The following SEL1L2 variants were observed in gnomAD, a reference collection of about 807,000 sequenced individuals.
The protein encoded by SEL1L2 is protein sel-1 homolog 2.
In SEL1L2, 89 loss-of-function variants were observed where a neutral mutation model predicts 98.8. That is an observed-to-expected ratio of 0.90 (90% CI 0.76 to 1.07). SEL1L2 has a LOEUF of 1.07. SEL1L2 is among the 50% of genes least tolerant of loss of function. SEL1L2 has a pLI of 0.00. For synonymous variants in SEL1L2, 262 were observed against 278.5 expected (o/e 0.94, Z 0.59); for missense variants, 788 against 812.0 (o/e 0.97, Z 0.36).
chr20:13,853,352 T>C (rs1449034395), intron 18 of SEL1L2, among the ~76,000 whole-genome samples: 1 of 151,856 alleles, frequency 6.6e-6, no homozygotes, highest in Non-Finnish European at 1.5e-5. Context: ...GGACTACAAA[T>C]GTGTGCCACC....
chr20:13,974,642 C>T lies in SEL1L2; in HGVS notation c.58+15835G>A, dbSNP rs184491741. On this transcript the variant is annotated intron_variant, in intron 1 of 19. Transcript: ENST00000284951. The stretch of plus-strand genomic sequence containing the variant: ...TACAGGTACCCACCACCATGCCTGA[C>T]TAATTTTTGTATTTTTAGTAGAGAC... 2.2e-4 allele frequency among the ~76,000 whole-genome samples: 33 copies of T among 151,946 alleles called. No individual in the cohort carries two copies. In the East Asian group the frequency reaches 6.4e-3, roughly 30 times the overall value.
chr20:13,896,609 G>A (rs2047439301), intron 5 of SEL1L2, among the ~76,000 whole-genome samples: 2 of 148,074 alleles, frequency 1.4e-5, no homozygotes, highest in Admixed American at 6.8e-5. Flanking sequence ...TACTAGCAAC[G>A]AATAATTAAG....
chr20:13,894,074 A>G (rs1214159718), intron 5 of SEL1L2, among the ~76,000 whole-genome samples: 3 of 152,146 alleles, frequency 2.0e-5, no homozygotes, highest in Non-Finnish European at 2.9e-5. Flanking sequence ...AGTATATAAT[A>G]TAAAATGCAT....
chr20:13,853,755 G>T (rs1988691566), intron 18 of SEL1L2, among the ~76,000 whole-genome samples: 1 of 152,160 alleles, frequency 6.6e-6, no homozygotes, highest in Non-Finnish European at 1.5e-5. Context: ...TTGTCCCTAG[G>T]TTGTCTGCTT....
rs2046909523 is a variant in SEL1L2 at position 13,885,490 on chromosome 20, G to A, written c.901-87C>T. The A allele has an allele frequency of 2.9e-5, 25 of 875,602 alleles. No individual in the cohort carries two copies. In the South Asian group the frequency reaches 3.1e-4, roughly 11 times the overall value. The allele number at this position is 875,602 out of a possible 1,614,324, so 54.2% of individuals were successfully genotyped here. ...TTATGTGGTGATTTTACTTTAGTAT[G>A]TTGATTGTTGGACACGTTTGAAATG... On this transcript the variant is annotated intron_variant, in intron 9 of 19. Coordinates refer to ENST00000284951, the MANE Select transcript of SEL1L2 (RefSeq NM_025229.2).
At chr20:13,990,383 T>C in intron 1 of SEL1L2, 94 bp downstream of exon 1, 1 of 830,448 alleles carries the variant, frequency 1.2e-6, no homozygotes, top group Admixed American at 2.2e-5. Flanking sequence ...TATAGTAAAG[T>C]TACTTCTAGT....
rs532847966 is a variant in SEL1L2, at chr20:13,933,887, T to G, written c.115-2116A>C. Among the ~76,000 whole-genome samples the G allele has an allele frequency of 3.3e-5, 5 of 152,288 alleles. No homozygotes were observed. The South Asian group carries it at 1.0e-3, about 32-fold the overall frequency. On this transcript the variant is annotated intron_variant, in intron 2 of 19. Transcript: ENST00000284951. The stretch of plus-strand genomic sequence containing the variant: ...GGGCACATAGTGCTTTCAGCTACTT[T>G]CTTTTTTTAAATTTTAAATTTTAAC...
intron 3 of SEL1L2, 108 bp downstream of exon 3, chr20:13,931,495 A>G: frequency 3.3e-6 from 2 of 612,234 alleles, no homozygotes; most frequent in East Asian, 7.3e-5. Flanking sequence ...TTGTGTGTAT[A>G]AATATTTATG....
chr20:13,865,768 T>A (rs1990909141), intron 15 of SEL1L2, among the ~76,000 whole-genome samples: 1 of 152,206 alleles, frequency 6.6e-6, no homozygotes, highest in South Asian at 2.1e-4. Context: ...TAAATTTGTA[T>A]AATAAACTTT....
Position 13,919,274 on chromosome 20 carries a change from T to C in SEL1L2, c.284-151A>G, listed in dbSNP as rs116514009. On this transcript the variant is annotated intron_variant, in intron 3 of 19. Transcript: ENST00000284951. ...TTCAAGAAGATCTGTTAATATTATT[T>C]CTTAGCTGAGGAGCGTCGGTAGGTC... is the stretch of plus-strand genomic sequence containing the variant. The C allele has an allele frequency of 5.3e-3, 3,046 of 574,808 alleles. 75 individuals carry two copies. The highest frequency in any genetic ancestry group is 0.052 in the African/African-American group (2,695 of 52,024). The allele number at this position is 574,808 out of a possible 1,614,324, so 35.6% of individuals were successfully genotyped here.
upstream of SEL1L2, among the ~76,000 whole-genome samples, chr20:13,991,003 C>T (rs1337694745): frequency 6.6e-6 from 1 of 152,178 alleles, no homozygotes; most frequent in South Asian, 2.1e-4. Flanking sequence ...AAACAATGGG[C>T]CAAGTCTGCT....
chr20:13,900,837 C>T (rs1413268352), intron 5 of SEL1L2, among the ~76,000 whole-genome samples: 1 of 152,150 alleles, frequency 6.6e-6, no homozygotes, highest in Non-Finnish European at 1.5e-5. Context: ...TCATTGGGGG[C>T]TCACCTGGCA....
chr20:13,962,553 A>G (rs748490610), intron 1 of SEL1L2, among the ~76,000 whole-genome samples: 9 of 152,174 alleles, frequency 5.9e-5, no homozygotes, highest in African/African-American at 2.2e-4. Context: ...CAACACACAG[A>G]ATTATGAGAT....
intron 4 of SEL1L2, among the ~76,000 whole-genome samples, chr20:13,915,569 G>A (rs1040547755): frequency 1.3e-5 from 2 of 152,158 alleles, no homozygotes; most frequent in Admixed American, 1.3e-4. Flanking sequence ...GGCTGCAGGG[G>A]CCTCCAATAG....
In SEL1L2 at chr20:13,988,738, C is replaced by T. The variant is rs561674175; in HGVS notation, c.58+1739G>A. Among the ~76,000 whole-genome samples the T allele has an allele frequency of 5.6e-4, 85 of 152,260 alleles. 1 individual carries two copies. Among genetic ancestry groups the T allele is most frequent in the African/African-American group, 1.9e-3 (81 of 41,552 alleles). Reference sequence around the variant, plus strand: ...TAAAGATTGTGTTGAAGCCCAGATGCGGTGTGATTCATTCCTGTAATCCCA... The same window carrying T: ...TAAAGATTGTGTTGAAGCCCAGATGTGGTGTGATTCATTCCTGTAATCCCA... On this transcript the variant is annotated intron_variant, in intron 1 of 19. Transcript: ENST00000284951.
chr20:13,975,957 A>G (rs1427625894), intron 1 of SEL1L2, among the ~76,000 whole-genome samples: 1 of 151,984 alleles, frequency 6.6e-6, no homozygotes, highest in Admixed American at 6.6e-5. Context: ...CAAAGTCCCA[A>G]AGTGCTGGGA....
intron 1 of SEL1L2, among the ~76,000 whole-genome samples, chr20:13,959,210 A>G (rs1328388549): frequency 6.6e-6 from 1 of 152,162 alleles, no homozygotes; most frequent in Non-Finnish European, 1.5e-5. Flanking sequence ...TTAACAACGA[A>G]CATTTCTCGA....
Position 13,855,017 on chromosome 20 carries a change from C to T in SEL1L2, c.1818+4245G>A, listed in dbSNP as rs903649719. 2.2e-5 allele frequency among the ~76,000 whole-genome samples: 3 copies of T among 138,260 alleles called. No homozygotes were observed. The East Asian group carries it at 6.6e-4, about 30-fold the overall frequency. The allele number at this position is 138,260 out of a possible 152,430, so 90.7% of individuals were successfully genotyped here. On this transcript the variant is annotated intron_variant, in intron 18 of 19. Transcript: ENST00000284951. ...AGTGACCGAAGATTGCACCACTGCA[C>T]TCCAGCCTGGTGACAGAGCGAGACT...
chr20:13,861,384 G>T (rs1990113137), intron 17 of SEL1L2, among the ~76,000 whole-genome samples: 1 of 151,716 alleles, frequency 6.6e-6, no homozygotes, highest in Non-Finnish European at 1.5e-5. Context: ...GGGCTCAAGC[G>T]ATCCTCCCAA....
Sources: allele counts gnomAD v4.1 joint callset (sites outside exome capture counted in the v4.1 genomes callset), GRCh38; gene constraint gnomAD v4.1.1; transcripts MANE v1.5; gene names NCBI Gene and HGNC (gene_info 2026-07-23, HGNC 2026-07-21).